MAST4: variants seen among roughly 807,000 people sequenced by gnomAD.
MAST4 encodes the protein microtubule associated serine/threonine kinase family member 4, also known as microtubule-associated serine/threonine-protein kinase 4.
MAST4 carries 89 observed loss-of-function variants against 162.7 expected under a neutral mutation model. The ratio of observed to expected loss-of-function variants is 0.55; its 90% CI spans 0.46 to 0.65. The LOEUF (loss-of-function observed/expected upper bound fraction) is 0.65, where lower values mean the gene tolerates loss of function less well. MAST4 is among the 30% of genes least tolerant of loss of function. The probability of loss-of-function intolerance (pLI) is 0.00; values close to 1 mark genes in which losing one functional copy is unlikely to be tolerated. For synonymous variants in MAST4, 1,479 were observed against 1,361.1 expected, an observed-to-expected ratio of 1.09 and a Z score of -1.91; for missense variants, 3,153 against 3,374.0, an observed-to-expected ratio of 0.93 and a Z score of 1.62.
At chr5:67,050,243 A>G (rs767517996) in intron 4 of MAST4, among the ~76,000 whole-genome samples, 1 of 152,138 alleles carries the variant, frequency 6.6e-6, no homozygotes, top group Non-Finnish European at 1.5e-5. Context: ...TGTTTTCGCG[A>G]TGGTAATAGT....
intron 3 of MAST4, among the ~76,000 whole-genome samples, chr5:66,874,791 A>G (rs1761182591): frequency 6.6e-6 from 1 of 152,252 alleles, no homozygotes; most frequent in Non-Finnish European, 1.5e-5. Flanking sequence ...TGGGAAAATC[A>G]GCCCAGAGCT....
chr5:66,921,326 C>T (rs982225866), intron 4 of MAST4, among the ~76,000 whole-genome samples: 6 of 152,058 alleles, frequency 3.9e-5, no homozygotes, highest in East Asian at 1.9e-4. Context: ...CCATAAAGGC[C>T]GGGGACATCA....
chr5:66,755,607 G>C (rs575899518), intron 1 of MAST4, among the ~76,000 whole-genome samples: 1 of 152,322 alleles, frequency 6.6e-6, no homozygotes, highest in African/African-American at 2.4e-5. Context: ...ATCGAGGCTT[G>C]TAAATGATGT....
At chr5:66,959,064 G>A (rs1428425711) in intron 4 of MAST4, 3 of 604,928 alleles carry the variant, frequency 5.0e-6, no homozygotes, top group Non-Finnish European at 9.0e-6. Flanking sequence ...CCTGAGGAAA[G>A]CAGCTGACAT....
intron 3 of MAST4, among the ~76,000 whole-genome samples, chr5:66,876,339 C>G (rs1416962722): frequency 6.6e-6 from 1 of 152,008 alleles, no homozygotes; most frequent in African/African-American, 2.4e-5. Context: ...TGAGGTGGGA[C>G]TTTTTAAACA....
At chr5:66,689,651 C>CAATGT (rs1395485630) in intron 1 of MAST4, among the ~76,000 whole-genome samples, 2 of 152,164 alleles carry the variant, frequency 1.3e-5, no homozygotes, top group African/African-American at 4.8e-5. Context: ...TGCCCTTGTC[C>CAATGT]AATGTACGCT....
At chr5:67,069,435 G>C (rs1022648833) in intron 5 of MAST4, among the ~76,000 whole-genome samples, 1 of 151,610 alleles carries the variant, frequency 6.6e-6, no homozygotes, top group African/African-American at 2.4e-5. Flanking sequence ...TTCTCCATTG[G>C]AGGCATGCTT....
Position 67,104,515 on chromosome 5 carries a change from C to T in MAST4, c.1296C>T (p.Gly432=). 6.2e-7 allele frequency: 1 copy of T among 1,613,834 alleles called. No individual in the cohort carries two copies. Among genetic ancestry groups the T allele is most frequent in the Non-Finnish European group, 8.5e-7 (1 of 1,179,818 alleles). Reference sequence around the variant, plus strand: ...ATTGCTTGGATAAATCCCACCAGGGCCTCATCACCTCACGATACTTCCTTG... The same window carrying T: ...ATTGCTTGGATAAATCCCACCAGGGTCTCATCACCTCACGATACTTCCTTG... ...ARDCLDKSHQ[G]LITSRYFLEL... Residue 432 remains glycine (G), a synonymous_variant, in exon 10 of 29, where the codon GGC becomes GGT. Coordinates refer to ENST00000403625, the MANE Select transcript of MAST4 (RefSeq NM_001164664.2).
intron 3 of MAST4, among the ~76,000 whole-genome samples, chr5:66,850,882 A>T (rs185789314): frequency 3.9e-4 from 59 of 151,484 alleles, no homozygotes; most frequent in Admixed American, 3.4e-3. Context: ...TTCTGATTCA[A>T]CTTAAATTGC....
intron 1 of MAST4, among the ~76,000 whole-genome samples, chr5:66,751,262 G>A (rs1475570158): frequency 6.6e-6 from 1 of 152,196 alleles, no homozygotes; most frequent in Admixed American, 6.5e-5. Flanking sequence ...AAGGAATGCA[G>A]TTCCTCACCA....
intron 4 of MAST4, among the ~76,000 whole-genome samples, chr5:67,051,369 C>T (rs1336031126): frequency 6.6e-6 from 1 of 152,064 alleles, no homozygotes; most frequent in East Asian, 1.9e-4. Flanking sequence ...CTTTCATGGG[C>T]AGGAAAGTGT....
At chr5:66,639,286 G>GTGTGTGTGTGTGTGTA (rs1745327496) in intron 1 of MAST4, among the ~76,000 whole-genome samples, 1 of 150,860 alleles carries the variant, frequency 6.6e-6, no homozygotes, top group Non-Finnish European at 1.5e-5. Flanking sequence ...GCTTGTGTGT[G>GTGTGTGTGTGTGTGTA]TGTGTGTGTG....
intron 1 of MAST4, among the ~76,000 whole-genome samples, chr5:66,628,340 CTT>C (rs34307265): frequency 7.3e-5 from 10 of 136,154 alleles, no homozygotes; most frequent in East Asian, 2.2e-4. Context: ...GACTTTTTTT[CTT>C]TTTTTTTTTT....
At chr5:66,916,155 A>C (rs1764104463) in intron 4 of MAST4, among the ~76,000 whole-genome samples, 1 of 152,226 alleles carries the variant, frequency 6.6e-6, no homozygotes, top group Non-Finnish European at 1.5e-5. Flanking sequence ...AAATTATGTT[A>C]ACCTGTTTCT....
intron 1 of MAST4, among the ~76,000 whole-genome samples, chr5:66,614,726 C>T (rs1743550152): frequency 6.6e-6 from 1 of 152,182 alleles, no homozygotes; most frequent in African/African-American, 2.4e-5. Context: ...AGACATGGTA[C>T]TTCCTACACC....
At chr5:66,700,382 C>T (rs538674408) in intron 1 of MAST4, among the ~76,000 whole-genome samples, 1 of 152,044 alleles carries the variant, frequency 6.6e-6, no homozygotes, top group East Asian at 1.9e-4. Context: ...TGATAAAATC[C>T]TTTAAGCCTT....
intron 26 of MAST4, among the ~76,000 whole-genome samples, chr5:67,159,745 C>G (rs1307376491): frequency 6.6e-6 from 1 of 152,146 alleles, no homozygotes; most frequent in Non-Finnish European, 1.5e-5. Context: ...GCCCAGCAAG[C>G]CCCTTCCCAG....
At chr5:66,615,011 C>CT (rs1743576584) in intron 1 of MAST4, among the ~76,000 whole-genome samples, 1 of 152,178 alleles carries the variant, frequency 6.6e-6, no homozygotes, top group African/African-American at 2.4e-5. Flanking sequence ...AACCAGGACC[C>CT]TTGTAAGGCC....
At chr5:66,939,261 A>C (rs1355081921) in intron 4 of MAST4, among the ~76,000 whole-genome samples, 1 of 152,180 alleles carries the variant, frequency 6.6e-6, no homozygotes, top group African/African-American at 2.4e-5. Context: ...TTTAAAGTTA[A>C]TTAAACACAG....
Sources: allele counts gnomAD v4.1 joint callset (sites outside exome capture counted in the v4.1 genomes callset), GRCh38; gene constraint gnomAD v4.1.1; transcripts MANE v1.5; gene names NCBI Gene and HGNC (gene_info 2026-07-23, HGNC 2026-07-21).